The following FRAS1 variants were observed in gnomAD, a reference collection of about 807,000 sequenced individuals.
The protein encoded by FRAS1 is extracellular matrix organizing protein FRAS1.
Under a neutral mutation model 435.2 loss-of-function variants are expected in FRAS1, and 290 were observed. The ratio of observed to expected loss-of-function variants is 0.67; its 90% confidence interval spans 0.61 to 0.73. The LOEUF (loss-of-function observed/expected upper bound fraction) is 0.73. Among genes scored for constraint, FRAS1 ranks in the 30% least tolerant of loss-of-function variants. The pLI, the probability that FRAS1 is intolerant of heterozygous loss-of-function variation, is 0.00. For synonymous variants in FRAS1, 1,800 were observed against 1,851.0 expected (o/e 0.97, Z 0.71); for missense variants, 4,860 against 5,001.5 (o/e 0.97, Z 0.85).
chr4:78,295,226 T>C (rs1728091540), intron 14 of FRAS1, among the ~76,000 whole-genome samples: 1 of 152,220 alleles, frequency 6.6e-6, no homozygotes, highest in African/African-American at 2.4e-5. Flanking sequence ...TAGTAGAAAT[T>C]GTGGTAAATA....
rs750662462 is a variant in FRAS1, at chr4:78,057,992, G to T, written c.-18G>T. The T allele has an allele frequency of 9.9e-5, 160 of 1,613,264 alleles. 1 individual carries two copies. The highest frequency in any genetic ancestry group is 1.2e-4 in the Non-Finnish European group (138 of 1,179,430). On this transcript the variant is annotated 5_prime_UTR_variant, in exon 1 of 74. Coordinates refer to ENST00000512123, the MANE Select transcript of FRAS1 (RefSeq NM_025074.7). The surrounding 1 kb of genome is among the most constrained non-coding windows in gnomAD (Gnocchi z 4.2). Reference sequence around the variant, plus strand: ...ATGCTGAAGGCTGGGCTCCTCCATCGTGGGTGCCGAGGCGGCGATGGGTGT... The same window carrying T: ...ATGCTGAAGGCTGGGCTCCTCCATCTTGGGTGCCGAGGCGGCGATGGGTGT...
chr4:78,436,168 A>G (rs919008316), intron 38 of FRAS1, among the ~76,000 whole-genome samples: 5 of 152,224 alleles, frequency 3.3e-5, no homozygotes, highest in African/African-American at 9.6e-5. Context: ...CTGCAGATCA[A>G]GAAGAAAAAG....
intron 41 of FRAS1, among the ~76,000 whole-genome samples, chr4:78,444,677 T>C (rs1718734099): frequency 6.6e-6 from 1 of 151,790 alleles, no homozygotes; most frequent in Non-Finnish European, 1.5e-5. Flanking sequence ...TAAAATCAAG[T>C]AAAAAACAAG....
chr4:78,529,130 G>T (rs986816081), intron 70 of FRAS1, among the ~76,000 whole-genome samples: 3 of 152,072 alleles, frequency 2.0e-5, no homozygotes, highest in Admixed American at 6.6e-5. Context: ...GGAACTGGGA[G>T]TCTGGGGTAG....
chr4:78,390,243 A>G, intron 29 of FRAS1, among the ~76,000 whole-genome samples: 1 of 152,162 alleles, frequency 6.6e-6, no homozygotes, highest in South Asian at 2.1e-4. Context: ...TCTAATGGAG[A>G]TTCTATTATG....
At chr4:78,451,949 A>G in intron 46 of FRAS1, 58 bp downstream of exon 46, 12 of 1,521,266 alleles carry the variant, frequency 7.9e-6, no homozygotes, top group Non-Finnish European at 9.8e-6. Flanking sequence ...GAGGTTATAT[A>G]GTTTACACTT....
At chr4:78,460,816 T>C (rs923807642) in intron 47 of FRAS1, among the ~76,000 whole-genome samples, 2 of 152,248 alleles carry the variant, frequency 1.3e-5, no homozygotes, top group African/African-American at 4.8e-5. Context: ...TATAATTTTA[T>C]GGGATCACCA....
chr4:78,278,605 A>G, intron 9 of FRAS1, 50 bp from the exon 10 acceptor site: 2 of 1,035,812 alleles, frequency 1.9e-6, no homozygotes, highest in Non-Finnish European at 3.0e-6. Context: ...TAGCCCTGCT[A>G]CCTGGAGATG....
chr4:78,116,252 A>G (rs967180260), intron 2 of FRAS1, among the ~76,000 whole-genome samples: 4 of 152,142 alleles, frequency 2.6e-5, no homozygotes, highest in African/African-American at 4.8e-5. Context: ...ACTTCCAACT[A>G]TGTAGTCAAT....
intron 2 of FRAS1, among the ~76,000 whole-genome samples, chr4:78,122,074 C>T (rs1386875076): frequency 6.6e-6 from 1 of 152,146 alleles, no homozygotes; most frequent in East Asian, 1.9e-4. Flanking sequence ...GTTTGCTGCA[C>T]CCGTCAACCA....
In FRAS1 at chr4:78,534,950, C is replaced by G. The variant is rs1721834515; in HGVS notation, c.11092+335C>G. On this transcript the variant is annotated intron_variant, in intron 71 of 73. Transcript: ENST00000512123. ...TATTTCCTCAAATCCCATTGCCTCC[C>G]AGTCTCAAAACGATGCCAAACATGT... Among the ~76,000 whole-genome samples the G allele has an allele frequency of 2.0e-5, 3 of 152,154 alleles. No individual in the cohort carries two copies. The South Asian group carries it at 6.2e-4, about 32-fold the overall frequency.
intron 14 of FRAS1, among the ~76,000 whole-genome samples, chr4:78,307,688 G>A (rs1425457120): frequency 6.6e-6 from 1 of 152,232 alleles, no homozygotes; most frequent in East Asian, 1.9e-4. Context: ...CTTCCCAGGT[G>A]AGGCAATGCC....
intron 11 of FRAS1, among the ~76,000 whole-genome samples, chr4:78,282,282 T>C (rs181196795): frequency 6.6e-6 from 1 of 152,336 alleles, no homozygotes; most frequent in African/African-American, 2.4e-5. Context: ...TATTTTAGTG[T>C]GTGAAAGCTT....
At chr4:78,200,870 A>AATATAT (rs148259948) in intron 2 of FRAS1, among the ~76,000 whole-genome samples, 39,915 of 139,242 alleles carry the variant, frequency 0.29, 5,863 homozygotes, top group East Asian at 0.31. Flanking sequence ...GCATGCCTTG[A>AATATAT]ATATATATAT....
chr4:78,146,199 T>C (rs1039536118), intron 2 of FRAS1, among the ~76,000 whole-genome samples: 11 of 152,156 alleles, frequency 7.2e-5, no homozygotes, highest in Non-Finnish European at 1.6e-4. Flanking sequence ...AAAATAAGTC[T>C]TGTAGTGAAA....
At chr4:78,108,635 C>A (rs1560525062) in intron 2 of FRAS1, among the ~76,000 whole-genome samples, 1 of 81,224 alleles carries the variant, frequency 1.2e-5, no homozygotes, top group Non-Finnish European at 2.4e-5. Context: ...TAAATGCCTA[C>A]AAGAGAAAGC....
chr4:78,261,633 C>G (rs946352617), intron 6 of FRAS1, among the ~76,000 whole-genome samples: 5 of 151,188 alleles, frequency 3.3e-5, no homozygotes, highest in African/African-American at 1.2e-4. Flanking sequence ...AAAGAAACAC[C>G]CTTATCTCCG....
rs80182438 is a variant in FRAS1 at position 78,355,937 on chromosome 4, C to T, written c.2423-7576C>T. ...GATCTGAATTAGAGGGCTCATCAGACGGTTACCACCAAATAAGAAGAATTC... is the reference window on the plus strand; with the variant it reads ...GATCTGAATTAGAGGGCTCATCAGATGGTTACCACCAAATAAGAAGAATTC... On this transcript the variant is annotated intron_variant, in intron 20 of 73. Transcript: ENST00000512123. 5.1e-4 allele frequency among the ~76,000 whole-genome samples: 78 copies of T among 152,270 alleles called. No individual in the cohort carries two copies. In the East Asian group the frequency reaches 0.011, roughly 22 times the overall value.
intron 22 of FRAS1, among the ~76,000 whole-genome samples, chr4:78,364,767 T>C (rs759720121): frequency 6.6e-6 from 1 of 152,218 alleles, no homozygotes; most frequent in Non-Finnish European, 1.5e-5. Context: ...AAAGTGTCAT[T>C]TGCAAAAACA....
Sources: allele counts gnomAD v4.1 joint callset (sites outside exome capture counted in the v4.1 genomes callset), GRCh38; gene constraint gnomAD v4.1.1; non-coding constraint Gnocchi (gnomAD v3.1); transcripts MANE v1.5; gene names NCBI Gene and HGNC (gene_info 2026-07-23, HGNC 2026-07-21).